The following MEI4 variants were observed in gnomAD, a reference collection of about 807,000 sequenced individuals.
MEI4 encodes the protein meiosis-specific protein MEI4.
In MEI4, 27 loss-of-function variants were observed where a neutral mutation model predicts 31.4. That is an observed-to-expected ratio of 0.86 (90% CI 0.63 to 1.19). MEI4 has a LOEUF of 1.19. Among genes scored for constraint, MEI4 ranks in the 50% most tolerant of loss-of-function variants. The probability of loss-of-function intolerance (pLI) is 0.00; values close to 1 mark genes in which losing one functional copy is unlikely to be tolerated. For missense variants in MEI4, 329 were observed against 398.9 expected (o/e 0.82, Z 1.49); for synonymous variants, 122 against 145.4 (o/e 0.84, Z 1.16).
chr6:77,920,536 A>T (rs1280239657), intron 4 of MEI4, among the ~76,000 whole-genome samples: 1 of 151,872 alleles, frequency 6.6e-6, no homozygotes, highest in African/African-American at 2.4e-5. Context: ...GTTAATATTG[A>T]TATTTTGTAT....
chr6:77,679,760 C>G (rs1768917300), intron 1 of MEI4, among the ~76,000 whole-genome samples: 1 of 151,722 alleles, frequency 6.6e-6, no homozygotes, highest in African/African-American at 2.4e-5. Context: ...CCCGCGTCCC[C>G]AAGACAGTCT....
chr6:77,747,348 G>A (rs913654669), intron 2 of MEI4, among the ~76,000 whole-genome samples: 6 of 152,066 alleles, frequency 3.9e-5, no homozygotes, highest in African/African-American at 1.4e-4. Context: ...AGGACTGCCT[G>A]GAGACTGTAT....
chr6:77,866,652 C>G (rs1335036334), intron 4 of MEI4, among the ~76,000 whole-genome samples: 3 of 152,114 alleles, frequency 2.0e-5, no homozygotes, highest in Non-Finnish European at 4.4e-5. Context: ...CCATACTGCC[C>G]AAAGTAATTT....
At chr6:77,736,866 A>T (rs530840949) in intron 2 of MEI4, among the ~76,000 whole-genome samples, 1,586 of 46,520 alleles carry the variant, frequency 0.034, 46 homozygotes, top group African/African-American at 0.24. Context: ...GACTTTTAAA[A>T]GTATTTTGAA....
In MEI4 at chr6:77,876,778, T is replaced by C. The variant is rs528929680; in HGVS notation, c.901-46311T>C. Among the ~76,000 whole-genome samples the C allele has an allele frequency of 4.0e-4, 61 of 152,190 alleles. 1 individual carries two copies. In the South Asian group the frequency reaches 0.012, roughly 31 times the overall value. ...TCAATCTGTTTATTAATTAAACCCA[T>C]TAAAAATATTAATCATAATGACTTA... On this transcript the variant is annotated intron_variant, in intron 4 of 4. Transcript: ENST00000684080.
chr6:77,769,331 C>A (rs1582122967), intron 3 of MEI4, among the ~76,000 whole-genome samples: 1 of 152,174 alleles, frequency 6.6e-6, no homozygotes, highest in Non-Finnish European at 1.5e-5. Flanking sequence ...AGAGGCAAAT[C>A]ATCCATCCTA....
At chr6:77,916,269 TAATA>T (rs1272591319) in intron 4 of MEI4, among the ~76,000 whole-genome samples, 2 of 152,136 alleles carry the variant, frequency 1.3e-5, no homozygotes, top group African/African-American at 4.8e-5. Context: ...TTATTTTCCA[TAATA>T]AATTGTTGCT....
intron 2 of MEI4, among the ~76,000 whole-genome samples, chr6:77,749,692 T>C (rs1386164669): frequency 1.3e-5 from 2 of 152,198 alleles, no homozygotes; most frequent in African/African-American, 4.8e-5. Flanking sequence ...TGGAAAACAA[T>C]CTTCAGGCTA....
chr6:77,833,662 T>A (rs1247110596), intron 4 of MEI4, among the ~76,000 whole-genome samples: 1 of 152,184 alleles, frequency 6.6e-6, no homozygotes. Context: ...ACACATGTGC[T>A]GAACATGAAG....
At chr6:77,854,491 T>C (rs1233064490) in intron 4 of MEI4, among the ~76,000 whole-genome samples, 9 of 151,456 alleles carry the variant, frequency 5.9e-5, no homozygotes, top group Admixed American at 3.9e-4. Flanking sequence ...ACATCTTTTT[T>C]AGTAAGATAA....
At chr6:77,674,987 T>A (rs1440755489) in intron 1 of MEI4, among the ~76,000 whole-genome samples, 1 of 132,194 alleles carries the variant, frequency 7.6e-6, no homozygotes, top group African/African-American at 2.9e-5. Context: ...TTTTGATGGA[T>A]GTAACTAGTT....
intron 2 of MEI4, among the ~76,000 whole-genome samples, chr6:77,727,524 T>C (rs889727986): frequency 3.9e-5 from 6 of 152,242 alleles, no homozygotes; most frequent in African/African-American, 1.4e-4. Flanking sequence ...TGTGATCATA[T>C]TTCATGTAAT....
At chr6:77,884,946 T>C (rs1277541438) in intron 4 of MEI4, among the ~76,000 whole-genome samples, 1 of 152,286 alleles carries the variant, frequency 6.6e-6, no homozygotes, top group South Asian at 2.1e-4. Context: ...CTTTGAGTAG[T>C]ATGGTCATTT....
At chr6:77,673,528 A>G (rs1400840153) in intron 1 of MEI4, among the ~76,000 whole-genome samples, 6 of 152,148 alleles carry the variant, frequency 3.9e-5, no homozygotes, top group Admixed American at 1.3e-4. Flanking sequence ...CCCCAATTCA[A>G]TTGAGAACAT....
At chr6:77,789,477 A>C (rs1297906995) in intron 3 of MEI4, among the ~76,000 whole-genome samples, 1 of 152,242 alleles carries the variant, frequency 6.6e-6, no homozygotes, top group African/African-American at 2.4e-5. Context: ...CAACCTACAG[A>C]ATGGGAGAAA....
chr6:77,689,901 C>T (rs1769127103), intron 1 of MEI4, among the ~76,000 whole-genome samples: 1 of 151,908 alleles, frequency 6.6e-6, no homozygotes, highest in African/African-American at 2.4e-5. Flanking sequence ...CTGGAGGAGG[C>T]CACAGGGTCT....
intron 4 of MEI4, among the ~76,000 whole-genome samples, chr6:77,851,338 A>T (rs1770614653): frequency 1.3e-5 from 2 of 152,148 alleles, no homozygotes; most frequent in South Asian, 4.1e-4. Context: ...ATGCACATGT[A>T]TGTTTATTGC....
chr6:77,789,212 C>T (rs1768842051), intron 3 of MEI4, among the ~76,000 whole-genome samples: 1 of 152,172 alleles, frequency 6.6e-6, no homozygotes, highest in African/African-American at 2.4e-5. Context: ...ATGTAGATAG[C>T]TGAAACTGGA....
At chr6:77,671,753 G>A (rs1320060782) in intron 1 of MEI4, among the ~76,000 whole-genome samples, 1 of 152,078 alleles carries the variant, frequency 6.6e-6, no homozygotes, top group South Asian at 2.1e-4. Flanking sequence ...TTTGGGAGCT[G>A]GTAGATGAAG....
Sources: gnomAD v4.1 joint callset for allele counts (sites outside exome capture counted in the v4.1 genomes callset) on GRCh38, gnomAD v4.1.1 for gene constraint, MANE v1.5 for transcripts, NCBI Gene and HGNC (gene_info 2026-07-23, HGNC 2026-07-21) for gene names.